Variants in APBB2 observed in about 807,000 individuals in gnomAD.
The protein encoded by APBB2 is Fe65-like 1.
Under a neutral mutation model 82.5 loss-of-function variants are expected in APBB2, and 38 were observed. That is an observed-to-expected ratio of 0.46 (90% CI 0.36 to 0.60). The LOEUF (loss-of-function observed/expected upper bound fraction) is 0.60, where lower values mean the gene tolerates loss of function less well. APBB2 is among the 20% of genes least tolerant of loss of function. The pLI, the probability that APBB2 is intolerant of heterozygous loss-of-function variation, is 0.00. For missense variants in APBB2, 772 were observed against 972.3 expected (o/e 0.79, Z 2.74); for synonymous variants, 341 against 368.2 (o/e 0.93, Z 0.85).
intron 4 of APBB2, among the ~76,000 whole-genome samples, chr4:41,044,027 T>A (rs1722488768): frequency 6.6e-6 from 1 of 152,244 alleles, no homozygotes; most frequent in Non-Finnish European, 1.5e-5. Context: ...GCACATGGTA[T>A]CTGGTTTTCA....
chr4:40,995,320 TTTC>T (rs1455833057), intron 6 of APBB2, among the ~76,000 whole-genome samples: 1 of 152,146 alleles, frequency 6.6e-6, no homozygotes, highest in Non-Finnish European at 1.5e-5. Context: ...GGCTCCAGTG[TTTC>T]TTATTTTGGC....
At chr4:41,049,348 G>T (rs1166481920) in intron 4 of APBB2, among the ~76,000 whole-genome samples, 1 of 148,488 alleles carries the variant, frequency 6.7e-6, no homozygotes, top group South Asian at 2.2e-4. Flanking sequence ...GTCTCCGACC[G>T]GCAGCCGCCC....
chr4:40,899,236 C>T (rs915477263), intron 10 of APBB2, among the ~76,000 whole-genome samples: 2 of 152,196 alleles, frequency 1.3e-5, no homozygotes, highest in Non-Finnish European at 2.9e-5. Context: ...GAGTTTGCTG[C>T]TGCTTCTGTT....
At chr4:40,890,543 T>C in intron 11 of APBB2, 52 bp from the exon 12 acceptor site, 1 of 1,599,860 alleles carries the variant, frequency 6.3e-7, no homozygotes, top group Non-Finnish European at 8.5e-7. Context: ...CTGGAAAGCC[T>C]AATCGTGTGT....
chr4:41,157,068 A>G (rs1467050378), intron 1 of APBB2, among the ~76,000 whole-genome samples: 1 of 150,784 alleles, frequency 6.6e-6, no homozygotes, highest in Non-Finnish European at 1.5e-5. Context: ...TCTGTCTCAA[A>G]AAAAAAAAAA....
chr4:40,859,494 C>T (rs771466378), intron 12 of APBB2, among the ~76,000 whole-genome samples: 1 of 152,100 alleles, frequency 6.6e-6, no homozygotes, highest in Non-Finnish European at 1.5e-5. Flanking sequence ...CATGAGCCAC[C>T]GCACCCGGCC....
At chr4:40,971,215 C>T (rs1353987801) in intron 6 of APBB2, among the ~76,000 whole-genome samples, 2 of 152,276 alleles carry the variant, frequency 1.3e-5, no homozygotes, top group East Asian at 3.9e-4. Context: ...GAGACTCGAA[C>T]TCTAGGAGGA....
intron 12 of APBB2, among the ~76,000 whole-genome samples, chr4:40,840,776 G>A (rs1246514864): frequency 6.6e-6 from 1 of 152,054 alleles, no homozygotes; most frequent in Non-Finnish European, 1.5e-5. Context: ...AGGTGGCTTG[G>A]GCAAACTAGA....
chr4:40,957,174 T>C (rs867066334), intron 6 of APBB2, among the ~76,000 whole-genome samples: 5 of 152,250 alleles, frequency 3.3e-5, no homozygotes, highest in South Asian at 2.1e-4. Flanking sequence ...AAATGTTTAT[T>C]ATCATTAGCT....
intron 10 of APBB2, among the ~76,000 whole-genome samples, chr4:40,902,939 A>G (rs1356823181): frequency 6.6e-6 from 1 of 152,162 alleles, no homozygotes; most frequent in African/African-American, 2.4e-5. Context: ...CCGAGAGTTC[A>G]AGACAAGCCT....
At chr4:40,963,164 G>C (rs528555571) in intron 6 of APBB2, among the ~76,000 whole-genome samples, 54 of 152,262 alleles carry the variant, frequency 3.5e-4, no homozygotes, top group African/African-American at 1.3e-3. Flanking sequence ...ATTTGTTAAT[G>C]ATGGTCTTTC....
At chr4:41,072,313 G>A (rs1309151604) in intron 3 of APBB2, among the ~76,000 whole-genome samples, 1 of 152,200 alleles carries the variant, frequency 6.6e-6, no homozygotes, top group Non-Finnish European at 1.5e-5. Context: ...AGAAGCTTCT[G>A]AGGCAACAGA....
intron 1 of APBB2, among the ~76,000 whole-genome samples, chr4:41,152,488 G>A (rs1011358502): frequency 2.6e-5 from 4 of 151,806 alleles, no homozygotes; most frequent in African/African-American, 9.7e-5. Flanking sequence ...AACCATGTCC[G>A]GCTAATTTTT....
rs553594992 is a variant in APBB2, at chr4:40,913,094, T to C, written c.1255-19683A>G. On this transcript the variant is annotated intron_variant, in intron 10 of 17. Coordinates refer to ENST00000508593, the MANE Select transcript of APBB2 (RefSeq NM_004307.2). ...CAAACTGTGCACATGAAGTGGAACATTGCATTTCGCTGGGAAATGAGCTCT... is the reference window on the plus strand; with the variant it reads ...CAAACTGTGCACATGAAGTGGAACACTGCATTTCGCTGGGAAATGAGCTCT... Among the ~76,000 whole-genome samples, 15 of 152,226 alleles carry C rather than the reference T, an allele frequency of 9.9e-5. No homozygotes were observed. In the East Asian group the frequency reaches 2.1e-3, roughly 22 times the overall value.
chr4:41,037,962 G>A (rs887431191), intron 4 of APBB2, among the ~76,000 whole-genome samples: 4 of 150,754 alleles, frequency 2.7e-5, no homozygotes, highest in African/African-American at 9.8e-5. Context: ...AGTTGTTGGG[G>A]ACTAATGGCA....
At chr4:41,080,337 A>G (rs1311352182) in intron 3 of APBB2, among the ~76,000 whole-genome samples, 1 of 152,262 alleles carries the variant, frequency 6.6e-6, no homozygotes, top group East Asian at 1.9e-4. Context: ...TAGAGAGCTT[A>G]GAATGCACTG....
chr4:41,069,408 A>G (rs1277181450), intron 3 of APBB2, among the ~76,000 whole-genome samples: 1 of 152,176 alleles, frequency 6.6e-6, no homozygotes, highest in Non-Finnish European at 1.5e-5. Context: ...TAGAAACCCG[A>G]TGCGATGGAA....
intron 6 of APBB2, among the ~76,000 whole-genome samples, chr4:40,959,575 C>A (rs1792543328): frequency 6.6e-6 from 1 of 152,082 alleles, no homozygotes; most frequent in Non-Finnish European, 1.5e-5. Flanking sequence ...GATACTTCAA[C>A]AAAAGATCAT....
chr4:40,820,738 T>A (rs556085403), intron 17 of APBB2, among the ~76,000 whole-genome samples: 37 of 152,052 alleles, frequency 2.4e-4, no homozygotes, highest in Middle Eastern at 3.4e-3. Flanking sequence ...CTGAAGAAAA[T>A]CAGGCCCCCA....
Sources: allele counts gnomAD v4.1 joint callset (sites outside exome capture counted in the v4.1 genomes callset), GRCh38; gene constraint gnomAD v4.1.1; transcripts MANE v1.5; gene names NCBI Gene and HGNC (gene_info 2026-07-23, HGNC 2026-07-21).